The following ALK variants were observed in gnomAD, a reference collection of about 807,000 sequenced individuals.
The protein encoded by ALK is ALK receptor tyrosine kinase, also known as ALK tyrosine kinase receptor.
ALK carries 74 observed loss-of-function variants against 163.1 expected under a neutral mutation model. The ratio of observed to expected loss-of-function variants is 0.45; its 90% CI spans 0.38 to 0.55. The LOEUF is 0.55. Among genes scored for constraint, ALK ranks in the 20% least tolerant of loss-of-function variants. ALK has a pLI of 0.00. For missense variants in ALK, 2,063 were observed against 2,105.3 expected, an observed-to-expected ratio of 0.98 and a Z score of 0.39; for synonymous variants, 960 against 843.2, an observed-to-expected ratio of 1.14 and a Z score of -2.40.
intron 3 of ALK, among the ~76,000 whole-genome samples, chr2:29,619,862 G>A (rs2339557): frequency 0.61 from 93,061 of 152,050 alleles, 29,788 homozygotes; most frequent in East Asian, 0.74. Context: ...GGTGCCAGGA[G>A]GCAGCCCCTG....
chr2:29,784,827 T>C (rs1398993092), intron 1 of ALK, among the ~76,000 whole-genome samples: 1 of 152,164 alleles, frequency 6.6e-6, no homozygotes, highest in Non-Finnish European at 1.5e-5. Context: ...TATTACGTTA[T>C]AGTGCCTCCT....
At chr2:29,687,629 G>T (rs1183761879) in intron 3 of ALK, among the ~76,000 whole-genome samples, 1 of 151,976 alleles carries the variant, frequency 6.6e-6, no homozygotes, top group Non-Finnish European at 1.5e-5. Context: ...AGAAGGAAAT[G>T]AAAATCACTA....
In ALK at chr2:29,211,820, G is replaced by A. The variant is rs150044363; in HGVS notation, c.3744-1942C>T. Among the ~76,000 whole-genome samples, 7 of 152,282 alleles carry A rather than the reference G, an allele frequency of 4.6e-5. No individual in the cohort carries two copies. The East Asian group carries it at 1.3e-3, about 29-fold the overall frequency. On this transcript the variant is annotated intron_variant, in intron 24 of 28. Transcript: ENST00000389048. Reference sequence around the variant, plus strand: ...TTCTTTTGCTTAAAACAGATCATCTGATACCTTCTTGATTTGGTGTTTGAC... The same window carrying A: ...TTCTTTTGCTTAAAACAGATCATCTAATACCTTCTTGATTTGGTGTTTGAC...
In ALK at chr2:29,259,032, T is replaced by G. The variant is rs199687757; in HGVS notation, c.2042-7765A>C. On this transcript the variant is annotated intron_variant, in intron 11 of 28. Coordinates refer to ENST00000389048, the MANE Select transcript of ALK (RefSeq NM_004304.5). Reference sequence around the variant, plus strand: ...TCACAAGGTACATCATGAGTTCATATTGATATTTCCAACTCAAATTCAGGA... The same window carrying G: ...TCACAAGGTACATCATGAGTTCATAGTGATATTTCCAACTCAAATTCAGGA... Among the ~76,000 whole-genome samples, 4 of 152,236 alleles carry G rather than the reference T, an allele frequency of 2.6e-5. No individual in the cohort carries two copies. The East Asian group carries it at 7.7e-4, about 29-fold the overall frequency.
At position 29,831,583 on chromosome 2, in the gene ALK, C is replaced by A. The variant is rs576025954; in HGVS notation, c.667+88410G>T. 2.6e-5 allele frequency among the ~76,000 whole-genome samples: 4 copies of A among 152,252 alleles called. No individual in the cohort carries two copies. In the East Asian group the frequency reaches 5.8e-4, roughly 22 times the overall value. On this transcript the variant is annotated intron_variant, in intron 1 of 28. Coordinates refer to ENST00000389048, the MANE Select transcript of ALK (RefSeq NM_004304.5). ...ATCCACATCAGTGTATATATTTTGGCTTCTTATTCTATCATCACTATAATT... is the reference window on the plus strand; with the variant it reads ...ATCCACATCAGTGTATATATTTTGGATTCTTATTCTATCATCACTATAATT...
At chr2:29,560,987 T>C (rs1488509724) in intron 3 of ALK, among the ~76,000 whole-genome samples, 1 of 152,158 alleles carries the variant, frequency 6.6e-6, no homozygotes, top group African/African-American at 2.4e-5. Flanking sequence ...AATTTAAATG[T>C]GATTTTAGTC....
Position 29,784,208 on chromosome 2 carries a change from G to A in ALK, c.668-66511C>T, listed in dbSNP as rs1421466315. Among the ~76,000 whole-genome samples, 5 of 152,194 alleles carry A rather than the reference G, an allele frequency of 3.3e-5. No homozygotes were observed. In the East Asian group the frequency reaches 9.6e-4, roughly 29 times the overall value. ...GAGAAGTATAACAGAAAATGAAAGTGTAGACAAAGTAGACAACAAGACAAA... is the reference window on the plus strand; with the variant it reads ...GAGAAGTATAACAGAAAATGAAAGTATAGACAAAGTAGACAACAAGACAAA... On this transcript the variant is annotated intron_variant, in intron 1 of 28. Transcript: ENST00000389048.
chr2:29,200,391 T>C lies in ALK; in HGVS notation c.3939-2715A>G, dbSNP rs189463115. Among the ~76,000 whole-genome samples, 12 of 152,314 alleles carry C rather than the reference T, an allele frequency of 7.9e-5. No individual in the cohort carries two copies. In the East Asian group the frequency reaches 1.9e-3, roughly 24 times the overall value. On this transcript the variant is annotated intron_variant, in intron 26 of 28. Coordinates refer to ENST00000389048, the MANE Select transcript of ALK (RefSeq NM_004304.5). ...GAGTTCAAGGGAGCAAGAAGTAGTA[T>C]TGGTCATAGAACTTTGACAATTTTG...
chr2:29,699,697 C>T (rs768994425), intron 2 of ALK, among the ~76,000 whole-genome samples: 4 of 152,200 alleles, frequency 2.6e-5, no homozygotes, highest in Admixed American at 6.5e-5. Flanking sequence ...GAGATCTTGA[C>T]CTTTTTTTGT....
intron 3 of ALK, among the ~76,000 whole-genome samples, chr2:29,656,635 G>A (rs1196599192): frequency 2.0e-5 from 3 of 152,078 alleles, no homozygotes; most frequent in African/African-American, 7.2e-5. Context: ...TTACACACAA[G>A]GAACCTGAAA....
intron 1 of ALK, among the ~76,000 whole-genome samples, chr2:29,739,557 C>CAAAAA (rs111281224): frequency 1.4e-5 from 1 of 71,862 alleles, no homozygotes; most frequent in Non-Finnish European, 3.1e-5. Context: ...GAATCTGTCT[C>CAAAAA]AAAAAAAAAA....
chr2:29,408,822 C>T (rs1669657421), intron 4 of ALK, among the ~76,000 whole-genome samples: 1 of 152,128 alleles, frequency 6.6e-6, no homozygotes, highest in Non-Finnish European at 1.5e-5. Context: ...GAGATTGCTG[C>T]CCCAGCTGAC....
At chr2:29,245,556 G>A (rs115550173) in intron 12 of ALK, among the ~76,000 whole-genome samples, 1,954 of 139,526 alleles carry the variant, frequency 0.014, 23 homozygotes, top group Non-Finnish European at 0.022. Context: ...ACAAAGTAGG[G>A]CTTTATGGCT....
intron 1 of ALK, among the ~76,000 whole-genome samples, chr2:29,811,529 A>G (rs1233646239): frequency 2.0e-5 from 3 of 152,226 alleles, no homozygotes; most frequent in African/African-American, 4.8e-5. Context: ...GCTTTCATGT[A>G]TTCAGGTTTG....
intron 4 of ALK, among the ~76,000 whole-genome samples, chr2:29,398,791 C>T (rs1573318638): frequency 6.6e-6 from 1 of 152,332 alleles, no homozygotes; most frequent in East Asian, 1.9e-4. Flanking sequence ...TGAGCTCCCA[C>T]CTCCTGTGAA....
chr2:29,772,829 C>A (rs554383793), intron 1 of ALK, among the ~76,000 whole-genome samples: 1 of 152,256 alleles, frequency 6.6e-6, no homozygotes, highest in South Asian at 2.1e-4. Flanking sequence ...AGTGCCCCAG[C>A]CTCTTACAGG....
intron 3 of ALK, among the ~76,000 whole-genome samples, chr2:29,676,988 C>T (rs1207791092): frequency 6.6e-6 from 1 of 151,682 alleles, no homozygotes; most frequent in African/African-American, 2.4e-5. Flanking sequence ...GTATCTGTGG[C>T]CTTGGTAAAT....
chr2:29,483,593 T>C (rs1033222445), intron 4 of ALK, among the ~76,000 whole-genome samples: 1 of 152,180 alleles, frequency 6.6e-6, no homozygotes, highest in East Asian at 1.9e-4. Context: ...CTTTTAATTG[T>C]GAAATATTTT....
chr2:29,847,392 G>A (rs1026295704), intron 1 of ALK, among the ~76,000 whole-genome samples: 10 of 152,166 alleles, frequency 6.6e-5, no homozygotes, highest in Non-Finnish European at 1.3e-4. Flanking sequence ...CAGGAGCTAT[G>A]AGATGCCTAG....
Sources: allele counts gnomAD v4.1 joint callset (sites outside exome capture counted in the v4.1 genomes callset), GRCh38; gene constraint gnomAD v4.1.1; transcripts MANE v1.5; gene names NCBI Gene and HGNC (gene_info 2026-07-23, HGNC 2026-07-21).